The following KIAA0825 variants were observed in gnomAD, a reference collection of about 807,000 sequenced individuals.
KIAA0825 encodes uncharacterized protein KIAA0825.
In KIAA0825, 119 loss-of-function variants were observed where a neutral mutation model predicts 147.6. The ratio of observed to expected loss-of-function variants is 0.81; its 90% CI spans 0.69 to 0.94. The LOEUF is 0.94. KIAA0825 is among the 40% of genes least tolerant of loss of function. The pLI, the probability that KIAA0825 is intolerant of heterozygous loss-of-function variation, is 0.00. For synonymous variants in KIAA0825, 470 were observed against 518.1 expected, an observed-to-expected ratio of 0.91 and a Z score of 1.26; for missense variants, 1,381 against 1,472.7, an observed-to-expected ratio of 0.94 and a Z score of 1.02.
At chr5:94,394,479 G>T (rs29922) in intron 17 of KIAA0825, among the ~76,000 whole-genome samples, 1 of 151,998 alleles carries the variant, frequency 6.6e-6, no homozygotes, top group Non-Finnish European at 1.5e-5. Context: ...ACAACTCCCC[G>T]TATAGGAGAT....
chr5:94,247,823 T>C (rs1211899770), intron 20 of KIAA0825, among the ~76,000 whole-genome samples: 3 of 152,148 alleles, frequency 2.0e-5, no homozygotes, highest in Non-Finnish European at 4.4e-5. Context: ...CTATTAATAC[T>C]TTAGGATTGT....
intron 1 of KIAA0825, among the ~76,000 whole-genome samples, chr5:94,598,149 T>C (rs1164818671): frequency 2.7e-5 from 4 of 147,112 alleles, no homozygotes; most frequent in Middle Eastern, 3.4e-3. Flanking sequence ...CTTAAAATTA[T>C]TTTTTTACTT....
chr5:94,560,393 C>T (rs1777336433), intron 2 of KIAA0825, among the ~76,000 whole-genome samples: 1 of 152,190 alleles, frequency 6.6e-6, no homozygotes, highest in Non-Finnish European at 1.5e-5. Flanking sequence ...GGCTTCTCTT[C>T]CTACCTTACA....
intron 2 of KIAA0825, among the ~76,000 whole-genome samples, chr5:94,537,390 G>A (rs537928206): frequency 2.6e-5 from 4 of 152,240 alleles, no homozygotes; most frequent in East Asian, 1.9e-4. Flanking sequence ...GGTGGCTCAC[G>A]CCTGTATTCC....
chr5:94,241,840 A>G (rs1456729100), intron 20 of KIAA0825, among the ~76,000 whole-genome samples: 1 of 152,192 alleles, frequency 6.6e-6, no homozygotes, highest in Non-Finnish European at 1.5e-5. Context: ...TTAAAAAGAA[A>G]TGTACTAATT....
intron 20 of KIAA0825, among the ~76,000 whole-genome samples, chr5:94,308,279 T>G (rs1479454871): frequency 6.6e-6 from 1 of 151,710 alleles, no homozygotes; most frequent in Non-Finnish European, 1.5e-5. Flanking sequence ...ATGCATTATA[T>G]CCATCACACT....
chr5:94,186,182 GACTTTT>G (rs1770101957), intron 20 of KIAA0825, among the ~76,000 whole-genome samples: 1 of 152,114 alleles, frequency 6.6e-6, no homozygotes, highest in Non-Finnish European at 1.5e-5. Context: ...TATAAGAAAA[GACTTTT>G]AGTTTAAGAG....
intron 5 of KIAA0825, among the ~76,000 whole-genome samples, chr5:94,516,825 G>C (rs919613653): frequency 6.6e-5 from 10 of 151,778 alleles, no homozygotes; most frequent in African/African-American, 2.2e-4. Flanking sequence ...ACGTGGCCAG[G>C]CACGGTGGCT....
chr5:94,561,411 G>T (rs2152292256), intron 2 of KIAA0825, among the ~76,000 whole-genome samples: 1 of 152,290 alleles, frequency 6.6e-6, no homozygotes, highest in African/African-American at 2.4e-5. Context: ...TTATTGAACT[G>T]TGGCAACCCC....
chr5:94,224,633 T>C (rs1773996569), intron 20 of KIAA0825, among the ~76,000 whole-genome samples: 2 of 152,168 alleles, frequency 1.3e-5, no homozygotes, highest in Non-Finnish European at 2.9e-5. Flanking sequence ...TCGTTGTATA[T>C]ATAGGAGTAA....
At chr5:94,546,560 AAAGT>A (rs1774422345) in intron 2 of KIAA0825, among the ~76,000 whole-genome samples, 1 of 151,972 alleles carries the variant, frequency 6.6e-6, no homozygotes, top group Non-Finnish European at 1.5e-5. Flanking sequence ...TGTTTAGGAG[AAAGT>A]AAGGGAGGAG....
intron 1 of KIAA0825, among the ~76,000 whole-genome samples, chr5:94,584,560 T>C (rs950894908): frequency 6.6e-6 from 1 of 152,056 alleles, no homozygotes; most frequent in Admixed American, 6.5e-5. Flanking sequence ...AAATCTACAT[T>C]TGATTGGTGT....
chr5:94,617,464 A>ATTGCATTTTTCTTTATCGGTATG (rs1790840659), intron 1 of KIAA0825, among the ~76,000 whole-genome samples: 1 of 152,122 alleles, frequency 6.6e-6, no homozygotes, highest in Non-Finnish European at 1.5e-5. Flanking sequence ...AATTGAACAT[A>ATTGCATTTTTCTTTATCGGTATG]TTGCATTTTT....
intron 5 of KIAA0825, among the ~76,000 whole-genome samples, chr5:94,517,233 T>C (rs1230959076): frequency 2.0e-5 from 3 of 152,164 alleles, no homozygotes; most frequent in Admixed American, 6.5e-5. Context: ...AGAGAAATCT[T>C]CTTTTTTTGG....
At chr5:94,345,978 C>G (rs576770889) in intron 20 of KIAA0825, among the ~76,000 whole-genome samples, 25 of 152,282 alleles carry the variant, frequency 1.6e-4, no homozygotes, top group Non-Finnish European at 3.5e-4. Context: ...CAGGGATTTT[C>G]ACAATGCTTT....
intron 14 of KIAA0825, among the ~76,000 whole-genome samples, chr5:94,431,028 T>C (rs890653333): frequency 6.6e-6 from 1 of 152,170 alleles, no homozygotes; most frequent in Non-Finnish European, 1.5e-5. Context: ...TCTTTAAATG[T>C]ATGCTTACGT....
At chr5:94,565,875 T>C (rs1272962406) in intron 2 of KIAA0825, among the ~76,000 whole-genome samples, 2 of 152,222 alleles carry the variant, frequency 1.3e-5, no homozygotes, top group Non-Finnish European at 2.9e-5. Context: ...TAAATACTTA[T>C]CATTTATTCT....
chr5:94,382,336 G>A lies in KIAA0825; in HGVS notation c.3710+2032C>T, dbSNP rs549091945. 2.1e-4 allele frequency among the ~76,000 whole-genome samples: 32 copies of A among 152,082 alleles called. 1 individual carries two copies. In the South Asian group the frequency reaches 5.6e-3, roughly 27 times the overall value. On this transcript the variant is annotated intron_variant, in intron 20 of 20. Transcript: ENST00000682413. ...AATTAAATGTACTATTAAAAAAATC[G>A]GCATTTTCAGATAAGTTCCAACAAG... is the stretch of plus-strand genomic sequence containing the variant.
intron 5 of KIAA0825, among the ~76,000 whole-genome samples, chr5:94,490,617 C>G (rs892675886): frequency 6.6e-6 from 1 of 151,424 alleles, no homozygotes; most frequent in Non-Finnish European, 1.5e-5. Flanking sequence ...AAGGTGCGCA[C>G]AGATATTTAC....
Sources: allele counts gnomAD v4.1 joint callset (sites outside exome capture counted in the v4.1 genomes callset), GRCh38; gene constraint gnomAD v4.1.1; transcripts MANE v1.5; gene names NCBI Gene and HGNC (gene_info 2026-07-23, HGNC 2026-07-21).